Variants in CPS1 observed in about 807,000 individuals in gnomAD.
The protein encoded by CPS1 is carbamoyl-phosphate synthase [ammonia], mitochondrial.
A neutral mutation model predicts 174.6 loss-of-function variants in CPS1; 109 were observed. The ratio of observed to expected loss-of-function variants is 0.62; its 90% confidence interval spans 0.53 to 0.73. The LOEUF (loss-of-function observed/expected upper bound fraction) is 0.73. CPS1 is among the 30% of genes least tolerant of loss of function. CPS1 has a pLI of 0.00. For missense variants in CPS1, 1,689 were observed against 1,821.9 expected (o/e 0.93, Z 1.33); for synonymous variants, 637 against 632.0 (o/e 1.01, Z -0.12).
intron 1 of CPS1, among the ~76,000 whole-genome samples, chr2:210,486,115 T>TACACACACACACACAC (rs60740361): frequency 9.6e-5 from 13 of 135,672 alleles, no homozygotes; most frequent in Admixed American, 2.2e-4. Flanking sequence ...CACACACACA[T>TACACACACACACACAC]ACACACACAC....
chr2:210,547,225 G>T (rs1381081154), intron 1 of CPS1, among the ~76,000 whole-genome samples: 1 of 152,018 alleles, frequency 6.6e-6, no homozygotes, highest in African/African-American at 2.4e-5. Flanking sequence ...CAGTTAATAT[G>T]ATAAACTTTT....
At chr2:210,674,841 A>C in intron 34 of CPS1, 61 bp from the exon 35 acceptor site, 2 of 1,245,460 alleles carry the variant, frequency 1.6e-6, no homozygotes, top group Non-Finnish European at 1.2e-6. Flanking sequence ...AGGAAATACC[A>C]TATTGCATAA....
At chr2:210,613,260 G>A (rs945862349) in intron 20 of CPS1, among the ~76,000 whole-genome samples, 2 of 152,020 alleles carry the variant, frequency 1.3e-5, no homozygotes, top group South Asian at 4.1e-4. Flanking sequence ...CATATTTTGA[G>A]TCCTTAAGAG....
chr2:210,528,156 A>G (rs1460595115), intron 1 of CPS1, among the ~76,000 whole-genome samples: 1 of 151,896 alleles, frequency 6.6e-6, no homozygotes, highest in African/African-American at 2.4e-5. Context: ...TAGTGGGCAT[A>G]TAATTAGAAC....
chr2:210,553,495 T>A (rs920883100), upstream of CPS1, among the ~76,000 whole-genome samples: 1 of 151,804 alleles, frequency 6.6e-6, no homozygotes, highest in Non-Finnish European at 1.5e-5. Context: ...AAAAAAAAAA[T>A]TCATTTTATC....
chr2:210,678,405 C>A lies in CPS1; in HGVS notation c.*420C>A. 1 of 202,472 alleles carries A rather than the reference C, an allele frequency of 4.9e-6. No homozygotes were observed. 12.5% of individuals were successfully genotyped at this position (202,472 alleles called of 1,614,324 possible). On this transcript the variant is annotated 3_prime_UTR_variant, in exon 38 of 38. Coordinates refer to ENST00000233072, the MANE Select transcript of CPS1 (RefSeq NM_001875.5). ...GGACACTTTAACAGGGCAGAATACT[C>A]TAAAAACTTGATAAAATTAAATATA...
In CPS1 at chr2:210,663,079, T is replaced by C. The variant is rs769493305; in HGVS notation, c.3928-44T>C. On this transcript the variant is annotated intron_variant, in intron 32 of 37. Transcript: ENST00000233072. ...ATCCTCTCTTATTCATTTTCTACTT[T>C]TCCCTCACATAATTTTTCTCCCTGT... 4 of 1,545,306 alleles carry C rather than the reference T, an allele frequency of 2.6e-6. No individual in the cohort carries two copies. The South Asian group carries it at 4.5e-5, about 17-fold the overall frequency.
At chr2:210,660,399 C>A in intron 31 of CPS1, 86 bp from the exon 32 acceptor site, 1 of 1,353,864 alleles carries the variant, frequency 7.4e-7, no homozygotes, top group Non-Finnish European at 1.1e-6. Flanking sequence ...TTAATAACAG[C>A]TGGAAACCAG....
At chr2:210,579,104 T>A (rs1697816791) in intron 4 of CPS1, among the ~76,000 whole-genome samples, 1 of 152,128 alleles carries the variant, frequency 6.6e-6, no homozygotes, top group South Asian at 2.1e-4. Context: ...CTAGAACATG[T>A]TTTCATTTTT....
chr2:210,589,771 C>CA (rs1698223348), intron 7 of CPS1, among the ~76,000 whole-genome samples: 2 of 151,810 alleles, frequency 1.3e-5, no homozygotes. Flanking sequence ...GTGATCCTCC[C>CA]ACCTCAGTTT....
intron 33 of CPS1, among the ~76,000 whole-genome samples, chr2:210,666,768 C>A (rs960538222): frequency 1.3e-5 from 2 of 152,154 alleles, no homozygotes; most frequent in Non-Finnish European, 2.9e-5. Flanking sequence ...GGTGATGCCT[C>A]CAGCTTTGTT....
intron 15 of CPS1, 101 bp from the exon 16 acceptor site, chr2:210,602,101 C>T (rs760857029): frequency 2.9e-4 from 398 of 1,360,452 alleles, no homozygotes; most frequent in Non-Finnish European, 3.9e-4. Context: ...TTCACTCTCC[C>T]CACATAAGTT....
chr2:210,511,837 C>G lies in CPS1; in HGVS notation c.3+34071C>G, dbSNP rs116161958. Among the ~76,000 whole-genome samples, 155 of 152,140 alleles carry G rather than the reference C, an allele frequency of 1.0e-3. 1 individual carries two copies. The highest frequency in any genetic ancestry group is 3.4e-3 in the African/African-American group (142 of 41,526). On this transcript the variant is annotated intron_variant, in intron 1 of 38. Coordinates refer to the CPS1 transcript ENST00000430249. ...TATTTTACAATTGCAGGCATATATA[C>G]CTTGTGTATTTTTCTTATTTACACA...
Position 210,525,806 on chromosome 2 carries a change from GGAGA to G in CPS1, c.4-30895_4-30892del, listed in dbSNP as rs3060375. Among the ~76,000 whole-genome samples the G allele has an allele frequency of 3.9e-3, 566 of 144,340 alleles. 6 individuals carry two copies. The highest frequency in any genetic ancestry group is 0.014 in the African/African-American group (532 of 38,644). The allele number at this position is 144,340 out of a possible 152,430, so 94.7% of individuals were successfully genotyped here. ...TAGTACATTCCAAGCAAAGTAAAAT[GGAGA>G]GAGAGAGAGAGAGAGAGGGAGAGAG... On this transcript the variant is annotated intron_variant, in intron 1 of 38. Coordinates refer to the CPS1 transcript ENST00000430249.
chr2:210,673,445 A>G (rs983675866), intron 34 of CPS1: 5 of 152,270 alleles, frequency 3.3e-5, no homozygotes, highest in Non-Finnish European at 5.9e-5. Context: ...GCTGGACACT[A>G]GACAGGTCCA....
chr2:210,629,449 G>A (rs1574614887), intron 21 of CPS1, among the ~76,000 whole-genome samples: 1 of 152,000 alleles, frequency 6.6e-6, no homozygotes, highest in East Asian at 2.0e-4. Flanking sequence ...CGAGTAGCTC[G>A]GACTACAGGC....
intron 34 of CPS1, among the ~76,000 whole-genome samples, chr2:210,669,844 T>C (rs935589439): frequency 6.6e-6 from 1 of 152,164 alleles, no homozygotes; most frequent in Admixed American, 6.6e-5. Flanking sequence ...GAGGAGACCA[T>C]GCCCTTAGTC....
chr2:210,486,355 A>G (rs11894660), intron 1 of CPS1, among the ~76,000 whole-genome samples: 133 of 152,170 alleles, frequency 8.7e-4, no homozygotes, highest in African/African-American at 3.2e-3. Flanking sequence ...TTGTCTTTTC[A>G]TTCTCTTAAA....
In CPS1 at chr2:210,678,126, G is replaced by A; in HGVS notation, c.*141G>A. 1.3e-6 allele frequency: 1 copy of A among 763,570 alleles called. No individual in the cohort carries two copies. The highest frequency in any genetic ancestry group is 1.7e-5 in the African/African-American group (1 of 58,472). The allele number at this position is 763,570 out of a possible 1,614,324, so 47.3% of individuals were successfully genotyped here. A position where few individuals can be genotyped will look rare whatever the true frequency, so the allele number is the denominator to read the frequency against. On this transcript the variant is annotated 3_prime_UTR_variant, in exon 38 of 38. Coordinates refer to ENST00000233072, the MANE Select transcript of CPS1 (RefSeq NM_001875.5). ...ACTTTGTTATGCCTTAATATTCTGT[G>A]TCTTTTGCAATTAAATTGTCAGTCA...
Sources: gnomAD v4.1 joint callset for allele counts (sites outside exome capture counted in the v4.1 genomes callset) on GRCh38, gnomAD v4.1.1 for gene constraint, MANE v1.5 for transcripts, NCBI Gene and HGNC (gene_info 2026-07-23, HGNC 2026-07-21) for gene names.